The following RASIP1 variants were observed in gnomAD, a reference collection of about 807,000 sequenced individuals.
RASIP1 encodes the protein Ras interacting protein 1.
A neutral mutation model predicts 85.3 loss-of-function variants in RASIP1; 20 were observed. The observed-to-expected ratio is 0.23, with a 90% confidence interval of 0.17 to 0.34. The LOEUF is 0.34. RASIP1 is among the 10% of genes least tolerant of loss of function. The pLI, the probability that RASIP1 is intolerant of heterozygous loss-of-function variation, is 1.00. For synonymous variants in RASIP1, 617 were observed against 647.1 expected (o/e 0.95, Z 0.71); for missense variants, 1,170 against 1,390.9 (o/e 0.84, Z 2.53).
chr19:48,736,056 G>A (rs1168764642), intron 3 of RASIP1, among the ~76,000 whole-genome samples: 4 of 151,336 alleles, frequency 2.6e-5, no homozygotes, highest in South Asian at 2.1e-4. Flanking sequence ...TGATCCTCCC[G>A]TCTCAGCCTC....
At position 48,729,501 on chromosome 19, in the gene RASIP1, A is replaced by G. The variant is rs1295423224; in HGVS notation, c.1269T>C (p.Tyr423=). The change falls in exon 5 of 12, where the codon TAT becomes TAC. Residue 423 remains tyrosine (Y), a synonymous_variant. Coordinates refer to ENST00000222145, the MANE Select transcript of RASIP1 (RefSeq NM_017805.3). ...CCGGGGCGTTGAGGAAGGTGTCCACATAGGGAGCCGGGGACCCCCCGCGGC... is the reference window on the plus strand; with the variant it reads ...CCGGGGCGTTGAGGAAGGTGTCCACGTAGGGAGCCGGGGACCCCCCGCGGC... ...SSGRGGSPAP[Y]VDTFLNAPDI... is the part of the protein sequence containing the mutation. 4 of 1,593,128 alleles carry G rather than the reference A, an allele frequency of 2.5e-6. No individual in the cohort carries two copies. Among genetic ancestry groups the G allele is most frequent in the Non-Finnish European group, 3.4e-6 (4 of 1,170,492 alleles).
Position 48,726,883 on chromosome 19 carries a change from G to C in RASIP1, c.2029C>G (p.Gln677Glu). ...CATAATTCCAAGTCATTGCAGAGCT[G>C]TGGGTCTGAGGACAGGCTTGGGGTT... is the stretch of plus-strand genomic sequence containing the variant. Reference protein sequence around the residue: ...MEKEADQEDPQLCNDLELCDE... With the variant: ...MEKEADQEDPELCNDLELCDE... Residue 677 changes from glutamine to glutamate, a missense_variant, in exon 8 of 12, where the codon CAG becomes GAG. By Grantham distance (29) the Gln-to-Glu change is conservative. Transcript: ENST00000222145. 6.2e-7 allele frequency: 1 copy of C among 1,613,612 alleles called. No homozygotes were observed. Among genetic ancestry groups the C allele is most frequent in the Non-Finnish European group, 8.5e-7 (1 of 1,179,692 alleles).
chr19:48,720,975 G>T lies in RASIP1; in HGVS notation c.2715C>A (p.Ser905=). 6.2e-7 allele frequency: 1 copy of T among 1,607,662 alleles called. No homozygotes were observed. The part of the protein sequence containing the change: ...VDTGDIFESF[S]SHPPLILPLG... The stretch of plus-strand genomic sequence containing the variant: ...GGGGGAGGATGAGGGGCGGGTGCGA[G>T]GAGAAGCTTTCGAAGATGTCCCCTG... The change falls in exon 12 of 12, where the codon TCC becomes TCA. Residue 905 remains serine (S), a synonymous_variant. Transcript: ENST00000222145.
At chr19:48,735,883 C>T (rs1029592578) in intron 3 of RASIP1, among the ~76,000 whole-genome samples, 3 of 151,804 alleles carry the variant, frequency 2.0e-5, no homozygotes, top group Admixed American at 6.6e-5. Context: ...GCAACCTCTG[C>T]CTCCCAGGTT....
At chr19:48,731,939 A>G (rs2033465194) in intron 4 of RASIP1, among the ~76,000 whole-genome samples, 1 of 152,212 alleles carries the variant, frequency 6.6e-6, no homozygotes. Context: ...TGGCACCTAC[A>G]GTGAACTTTC....
chr19:48,739,658 C>A lies in RASIP1; in HGVS notation c.138-13G>T. 7.2e-7 allele frequency: 1 copy of A among 1,382,968 alleles called. No homozygotes were observed. The highest frequency in any genetic ancestry group is 1.6e-5 in the South Asian group (1 of 64,462). 85.7% of individuals were successfully genotyped at this position (1,382,968 alleles called of 1,614,324 possible). A position where few individuals can be genotyped will look rare whatever the true frequency, so the allele number is the denominator to read the frequency against. On this transcript the variant is annotated splice_polypyrimidine_tract_variant and intron_variant, in intron 2 of 11. Transcript: ENST00000222145. The surrounding 1 kb of genome is among the most constrained non-coding windows in gnomAD (Gnocchi z 9.2). The stretch of plus-strand genomic sequence containing the variant: ...CGACGAAGAAGACCTGGGAGTCCGC[C>A]GGGGAACAGAGTCGCGGGAGAGAGA...
intron 3 of RASIP1, among the ~76,000 whole-genome samples, chr19:48,736,582 G>A (rs899225424): frequency 1.3e-5 from 2 of 152,170 alleles, no homozygotes; most frequent in Non-Finnish European, 2.9e-5. Flanking sequence ...GGTACTCTGA[G>A]CTTTTTCTGG....
intron 11 of RASIP1, among the ~76,000 whole-genome samples, chr19:48,721,289 G>A (rs1601264276): frequency 6.6e-6 from 1 of 152,134 alleles, no homozygotes; most frequent in African/African-American, 2.4e-5. Flanking sequence ...GTTCAGGGGA[G>A]TGAAAGTCCC....
chr19:48,722,165 G>T (rs1341111704), intron 10 of RASIP1, among the ~76,000 whole-genome samples, 164 bp from the exon 11 acceptor site: 1 of 152,184 alleles, frequency 6.6e-6, no homozygotes, highest in East Asian at 1.9e-4. Context: ...TGATGGTGGG[G>T]AAGGGTGTGC....
At chr19:48,730,074 AC>A (rs1245411096) in intron 4 of RASIP1, among the ~76,000 whole-genome samples, 1 of 151,754 alleles carries the variant, frequency 6.6e-6, no homozygotes, top group African/African-American at 2.4e-5. Context: ...CTCTCTAAGC[AC>A]CCGCAACGCC....
chr19:48,720,744 G>C lies in RASIP1; in HGVS notation c.*54C>G, dbSNP rs2033211523. On this transcript the variant is annotated 3_prime_UTR_variant, in exon 12 of 12. Transcript: ENST00000222145. ...AAGCTTTGCGCTCAGGCGGGCTCCT[G>C]TCCGTAGAAGCCCGTGACATTTCAA... The C allele has an allele frequency of 1.3e-6, 2 of 1,564,558 alleles. No homozygotes were observed. The highest frequency in any genetic ancestry group is 2.7e-5 in the African/African-American group (2 of 73,806).
At chr19:48,727,848 G>A (rs1006655399) in intron 5 of RASIP1, among the ~76,000 whole-genome samples, 7 of 151,772 alleles carry the variant, frequency 4.6e-5, no homozygotes, top group South Asian at 2.1e-4. Context: ...TACCATGCCC[G>A]GCTAATTTTT....
In RASIP1 at chr19:48,729,511, G is replaced by A. The variant is rs138914731; in HGVS notation, c.1259C>T (p.Pro420Leu). 1.9e-4 allele frequency: 302 copies of A among 1,597,100 alleles called. 2 individuals are homozygous for A. The Middle Eastern group carries it at 2.3e-3, about 12-fold the overall frequency. ...GAGGAAGGTGTCCACATAGGGAGCC[G>A]GGGACCCCCCGCGGCCAGACGAGTT... ...GGNSSGRGGSPAPYVDTFLNA... is the reference protein window; with the variant it reads ...GGNSSGRGGSLAPYVDTFLNA... Residue 420 changes from proline to leucine, a missense_variant, in exon 5 of 12, where the codon CCG becomes CTG. Transcript: ENST00000222145.
In RASIP1 at chr19:48,721,758, G is replaced by C. The variant is rs547973392; in HGVS notation, c.2692+96C>G. ...GCAGAGGTTGCAGTGAGCCAAGATC[G>C]CGCCATTGCACTCCAGCCTGAGTGA... On this transcript the variant is annotated intron_variant, in intron 11 of 11. Coordinates refer to ENST00000222145, the MANE Select transcript of RASIP1 (RefSeq NM_017805.3). 6 of 1,417,902 alleles carry C rather than the reference G, an allele frequency of 4.2e-6. No homozygotes were observed. In the East Asian group the frequency reaches 1.6e-4, roughly 37 times the overall value. 87.8% of individuals were successfully genotyped at this position (1,417,902 alleles called of 1,614,324 possible).
chr19:48,726,577 C>T (rs1002982870), intron 8 of RASIP1, among the ~76,000 whole-genome samples: 3 of 152,202 alleles, frequency 2.0e-5, no homozygotes, highest in African/African-American at 7.2e-5. Flanking sequence ...GTGATGTAAG[C>T]TCTAACAAGT....
intron 5 of RASIP1, 47 bp from the exon 6 acceptor site, chr19:48,727,477 G>A (rs372515520): frequency 1.3e-6 from 2 of 1,582,534 alleles, no homozygotes; most frequent in African/African-American, 2.7e-5. Context: ...ATCCACTGAG[G>A]GGCTTAAGAG....
chr19:48,723,385 C>T (rs2033284197), intron 10 of RASIP1, among the ~76,000 whole-genome samples: 2 of 152,120 alleles, frequency 1.3e-5, no homozygotes, highest in South Asian at 4.1e-4. Context: ...CAAGGTGAAA[C>T]CCTGTCTCTA....
chr19:48,724,607 G>A lies in RASIP1; in HGVS notation c.2372-98C>T. 6.4e-7 allele frequency: 1 copy of A among 1,571,510 alleles called. No individual in the cohort carries two copies. Among genetic ancestry groups the A allele is most frequent in the Non-Finnish European group, 8.7e-7 (1 of 1,153,460 alleles). On this transcript the variant is annotated intron_variant, in intron 9 of 11. Transcript: ENST00000222145. The surrounding 1 kb of genome is among the most constrained non-coding windows in gnomAD (Gnocchi z 4.6). ...TCCTTCAGCCTGGGATCTGGAGCTTGTTCTCCAGGGTACCCAAAGGTGAGG... is the reference window on the plus strand; with the variant it reads ...TCCTTCAGCCTGGGATCTGGAGCTTATTCTCCAGGGTACCCAAAGGTGAGG...
chr19:48,723,431 G>A (rs142056359), intron 10 of RASIP1, among the ~76,000 whole-genome samples: 10 of 151,982 alleles, frequency 6.6e-5, no homozygotes, highest in Middle Eastern at 3.4e-3. Context: ...GTGGTGGCGC[G>A]TGCCTGTTAT....
Sources: gnomAD v4.1 joint callset for allele counts (sites outside exome capture counted in the v4.1 genomes callset) on GRCh38, gnomAD v4.1.1 for gene constraint, Gnocchi (gnomAD v3.1) non-coding constraint, MANE v1.5 for transcripts, NCBI Gene and HGNC (gene_info 2026-07-23, HGNC 2026-07-21) for gene names.